The following SDK2 variants were observed in gnomAD, a reference collection of about 807,000 sequenced individuals.
SDK2 encodes sidekick cell adhesion molecule 2.
In SDK2, 105 loss-of-function variants were observed where a neutral mutation model predicts 253.9. The ratio of observed to expected loss-of-function variants is 0.41; its 90% confidence interval spans 0.35 to 0.49. The LOEUF (loss-of-function observed/expected upper bound fraction) is 0.49, where lower values mean the gene tolerates loss of function less well. Among genes scored for constraint, SDK2 ranks in the 20% least tolerant of loss-of-function variants. SDK2 has a pLI of 0.06. For synonymous variants in SDK2, 1,249 were observed against 1,234.9 expected (o/e 1.01, Z -0.24); for missense variants, 2,608 against 3,003.0 (o/e 0.87, Z 3.07).
intron 41 of SDK2, among the ~76,000 whole-genome samples, chr17:73,351,579 G>A (rs1049167397): frequency 6.6e-6 from 1 of 152,136 alleles, no homozygotes; most frequent in Non-Finnish European, 1.5e-5. Context: ...GAATTGGGAG[G>A]ATGGACACAG....
At chr17:73,529,955 C>A (rs532197364) in intron 1 of SDK2, among the ~76,000 whole-genome samples, 3 of 152,158 alleles carry the variant, frequency 2.0e-5, no homozygotes, top group Non-Finnish European at 4.4e-5. Context: ...GGAGAGATGT[C>A]CTTAATGCAG....
chr17:73,347,478 C>G (rs1353634560), intron 44 of SDK2, among the ~76,000 whole-genome samples: 1 of 152,222 alleles, frequency 6.6e-6, no homozygotes, highest in Non-Finnish European at 1.5e-5. Flanking sequence ...CCAGCCTTCT[C>G]AGCTCTGCCA....
At chr17:73,554,527 G>C (rs2045113906) in intron 1 of SDK2, among the ~76,000 whole-genome samples, 1 of 152,210 alleles carries the variant, frequency 6.6e-6, no homozygotes, top group Non-Finnish European at 1.5e-5. Flanking sequence ...TACATGCCAA[G>C]GACAGAGCCT....
intron 18 of SDK2, among the ~76,000 whole-genome samples, chr17:73,409,338 G>A (rs781626959): frequency 6.6e-6 from 1 of 152,128 alleles, no homozygotes; most frequent in African/African-American, 2.4e-5. Context: ...AAAATGAGCC[G>A]GGCATGGTGG....
At chr17:73,345,509 C>T (rs530350186) in intron 44 of SDK2, among the ~76,000 whole-genome samples, 1 of 152,270 alleles carries the variant, frequency 6.6e-6, no homozygotes, top group African/African-American at 2.4e-5. Flanking sequence ...CTGTAGCCAT[C>T]GTTCCTATAT....
rs149869313 is a variant in SDK2 at position 73,436,211 on chromosome 17, G to A, written c.1001-567C>T. 3.3e-5 allele frequency among the ~76,000 whole-genome samples: 5 copies of A among 152,242 alleles called. No individual in the cohort carries two copies. The East Asian group carries it at 7.8e-4, about 24-fold the overall frequency. The stretch of plus-strand genomic sequence containing the variant: ...GGGGCACTTGGAAGCCCCCCATACC[G>A]GCTTTGCACATGGAGGTGAAAGGAG... On this transcript the variant is annotated intron_variant, in intron 8 of 44. Transcript: ENST00000392650.
chr17:73,426,812 C>T (rs753725935), intron 12 of SDK2, among the ~76,000 whole-genome samples: 23 of 152,136 alleles, frequency 1.5e-4, no homozygotes, highest in Non-Finnish European at 2.1e-4. Flanking sequence ...GGGGGCCGGG[C>T]GCGGTGGCTC....
intron 1 of SDK2, among the ~76,000 whole-genome samples, chr17:73,613,316 T>A (rs1229877219): frequency 6.6e-6 from 1 of 151,944 alleles, no homozygotes; most frequent in Non-Finnish European, 1.5e-5. Context: ...GAGACGCCAA[T>A]GAGCAGCCGG....
At chr17:73,478,980 A>T (rs1012173899) in intron 2 of SDK2, among the ~76,000 whole-genome samples, 1 of 152,218 alleles carries the variant, frequency 6.6e-6, no homozygotes, top group Non-Finnish European at 1.5e-5. Context: ...CCATGGTACA[A>T]CGCACATTCA....
intron 1 of SDK2, among the ~76,000 whole-genome samples, chr17:73,551,095 G>C (rs557820447): frequency 6.6e-6 from 1 of 152,280 alleles, no homozygotes; most frequent in South Asian, 2.1e-4. Flanking sequence ...ACAAGGAAAG[G>C]ACCTGAGAGG....
chr17:73,619,973 C>G (rs1185250722), intron 1 of SDK2, among the ~76,000 whole-genome samples: 1 of 152,130 alleles, frequency 6.6e-6, no homozygotes, highest in Admixed American at 6.5e-5. Context: ...CTGAGGCAGG[C>G]AGTTTGCTTG....
intron 32 of SDK2, among the ~76,000 whole-genome samples, chr17:73,385,236 G>A (rs377160223): frequency 3.3e-5 from 5 of 152,148 alleles, no homozygotes; most frequent in African/African-American, 9.7e-5. Flanking sequence ...GGAGGGCTCC[G>A]CGGGGCAGGA....
In SDK2 at chr17:73,595,965, C is replaced by T. The variant is rs552017971; in HGVS notation, c.64+48060G>A. 4.5e-3 allele frequency among the ~76,000 whole-genome samples: 669 copies of T among 148,422 alleles called. 5 individuals carry two copies. The highest frequency in any genetic ancestry group is 0.015 in the African/African-American group (636 of 41,306). Reference sequence around the variant, plus strand: ...CGGCCTGATGGAGAAGCCCTTGACACATAGGATTGCAGAAGTCAGAGGTCT... The same window carrying T: ...CGGCCTGATGGAGAAGCCCTTGACATATAGGATTGCAGAAGTCAGAGGTCT... On this transcript the variant is annotated intron_variant, in intron 1 of 44. Coordinates refer to ENST00000392650, the MANE Select transcript of SDK2 (RefSeq NM_001144952.2).
In SDK2 at chr17:73,639,131, C is replaced by T. The variant is rs914295737; in HGVS notation, c.64+4894G>A. On this transcript the variant is annotated intron_variant, in intron 1 of 44. Coordinates refer to ENST00000392650, the MANE Select transcript of SDK2 (RefSeq NM_001144952.2). This position sits in a 1 kb window ranked among gnomAD's most constrained non-coding sequence, Gnocchi z 4.3. ...GGCTGGTAGACACAACTATTTTTAA[C>T]TTTACTCATTTTACAGATGAGAAAA... Among the ~76,000 whole-genome samples, 2 of 152,176 alleles carry T rather than the reference C, an allele frequency of 1.3e-5. No individual in the cohort carries two copies. Among genetic ancestry groups the T allele is most frequent in the Non-Finnish European group, 2.9e-5 (2 of 68,032 alleles).
chr17:73,507,043 C>T (rs2063941180), intron 2 of SDK2, among the ~76,000 whole-genome samples: 1 of 152,248 alleles, frequency 6.6e-6, no homozygotes, highest in Non-Finnish European at 1.5e-5. Context: ...CAGAGCCCAC[C>T]CCTCCATTGG....
intron 10 of SDK2, among the ~76,000 whole-genome samples, chr17:73,433,177 C>G (rs914858148): frequency 3.9e-5 from 6 of 152,162 alleles, no homozygotes; most frequent in Non-Finnish European, 1.5e-5. Context: ...CACCAGTTTA[C>G]AGATGGGGAA....
intron 1 of SDK2, among the ~76,000 whole-genome samples, chr17:73,546,259 G>A (rs1030651959): frequency 2.0e-5 from 3 of 152,246 alleles, no homozygotes; most frequent in Admixed American, 6.5e-5. Context: ...GCAGGCGGAG[G>A]AGGAAAGAAT....
At position 73,618,676 on chromosome 17, in the gene SDK2, T is replaced by C. The variant is rs78652957; in HGVS notation, c.64+25349A>G. Among the ~76,000 whole-genome samples, 727 of 152,276 alleles carry C rather than the reference T, an allele frequency of 4.8e-3. 30 individuals carry two copies. Among genetic ancestry groups the C allele is most frequent in the Admixed American group, 0.031 (471 of 15,290 alleles). On this transcript the variant is annotated intron_variant, in intron 1 of 44. Transcript: ENST00000392650. This position sits in a 1 kb window ranked among gnomAD's most constrained non-coding sequence, Gnocchi z 4.1. ...GGGAAGCAGAGGCCAAGCAAGACTC[T>C]TCTACAGGGAAGGTACTTAGACAGG...
intron 14 of SDK2, among the ~76,000 whole-genome samples, chr17:73,423,128 G>A (rs2063247287): frequency 6.6e-6 from 1 of 152,186 alleles, no homozygotes; most frequent in African/African-American, 2.4e-5. Flanking sequence ...AATAAATACT[G>A]GCCATTTTCT....
Sources: allele counts gnomAD v4.1 joint callset (sites outside exome capture counted in the v4.1 genomes callset), GRCh38; gene constraint gnomAD v4.1.1; non-coding constraint Gnocchi (gnomAD v3.1); transcripts MANE v1.5; gene names NCBI Gene and HGNC (gene_info 2026-07-23, HGNC 2026-07-21).